MAP2: variants seen among roughly 807,000 people sequenced by gnomAD.
MAP2 encodes microtubule-associated protein 2.
MAP2 carries 14 observed loss-of-function variants against 137.6 expected under a neutral mutation model. The observed-to-expected ratio is 0.10, with a 90% CI of 0.07 to 0.16. The LOEUF is 0.16. Among genes scored for constraint, MAP2 ranks in the 10% least tolerant of loss-of-function variants. The pLI is 1.00. For missense variants in MAP2, 2,088 were observed against 2,191.5 expected (o/e 0.95, Z 0.94); for synonymous variants, 786 against 782.3 (o/e 1.00, Z -0.08).
intron 2 of MAP2, among the ~76,000 whole-genome samples, chr2:209,560,460 T>C (rs962153824): frequency 6.6e-6 from 1 of 151,128 alleles, no homozygotes; most frequent in African/African-American, 2.5e-5. Flanking sequence ...AAGGAACTGG[T>C]GTGGTGACAA....
At chr2:209,653,670 G>A (rs1286754697) in intron 5 of MAP2, among the ~76,000 whole-genome samples, 1 of 152,018 alleles carries the variant, frequency 6.6e-6, no homozygotes, top group Non-Finnish European at 1.5e-5. Flanking sequence ...AATTTTTGCA[G>A]GCTGAGTATA....
intron 3 of MAP2, among the ~76,000 whole-genome samples, chr2:209,624,311 G>A (rs1218359074): frequency 2.6e-5 from 4 of 152,262 alleles, no homozygotes; most frequent in Non-Finnish European, 4.4e-5. Flanking sequence ...GTATAAGAGA[G>A]CTGGACTATA....
chr2:209,578,239 T>C (rs959450687), intron 2 of MAP2, among the ~76,000 whole-genome samples: 3 of 152,142 alleles, frequency 2.0e-5, no homozygotes, highest in African/African-American at 7.2e-5. Flanking sequence ...AGCCAGTATT[T>C]GGATAGAGGC....
chr2:209,581,657 T>C (rs2076443152), intron 3 of MAP2, among the ~76,000 whole-genome samples: 1 of 152,176 alleles, frequency 6.6e-6, no homozygotes, highest in Non-Finnish European at 1.5e-5. Flanking sequence ...CACATGAAGA[T>C]CTATTTCCTA....
At chr2:209,494,165 C>A (rs180727417) in intron 1 of MAP2, among the ~76,000 whole-genome samples, 1 of 152,166 alleles carries the variant, frequency 6.6e-6, no homozygotes, top group Admixed American at 6.5e-5. Context: ...CCATCATTCT[C>A]AGCAAACTAA....
intron 13 of MAP2, among the ~76,000 whole-genome samples, chr2:209,722,599 A>G (rs1036945156): frequency 1.3e-5 from 2 of 152,178 alleles, no homozygotes; most frequent in Non-Finnish European, 2.9e-5. Flanking sequence ...ACAAATAACG[A>G]CAATAACACA....
intron 3 of MAP2, among the ~76,000 whole-genome samples, chr2:209,583,147 G>GTCTATCTATCTA (rs3036663): frequency 0.16 from 22,875 of 147,062 alleles, 1,877 homozygotes; most frequent in Non-Finnish European, 0.16. Flanking sequence ...CTGTCTGTCT[G>GTCTATCTATCTA]TCTATCTATC....
intron 10 of MAP2, among the ~76,000 whole-genome samples, chr2:209,699,168 G>A (rs2153731467): frequency 6.6e-6 from 1 of 152,242 alleles, no homozygotes; most frequent in East Asian, 1.9e-4. Context: ...AGAGATAGTA[G>A]TAAGGCATCG....
Position 209,729,811 on chromosome 2 carries a change from G to A in MAP2, c.5156-39G>A, listed in dbSNP as rs371688882. On this transcript the variant is annotated intron_variant, in intron 14 of 15. Transcript: ENST00000682079. Reference sequence around the variant, plus strand: ...TTTTTGGGAAATAGTTACCACGAATGCAAGATATAGTTAAATCAAGGTATT... The same window carrying A: ...TTTTTGGGAAATAGTTACCACGAATACAAGATATAGTTAAATCAAGGTATT... 24 of 1,372,072 alleles carry A rather than the reference G, an allele frequency of 1.7e-5. No individual in the cohort carries two copies. In the African/African-American group the frequency reaches 3.3e-4, roughly 19 times the overall value. 85.0% of individuals were successfully genotyped at this position (1,372,072 alleles called of 1,614,324 possible).
At chr2:209,664,658 G>C (rs1300856108) in intron 5 of MAP2, among the ~76,000 whole-genome samples, 1 of 151,984 alleles carries the variant, frequency 6.6e-6, no homozygotes, top group Admixed American at 6.6e-5. Flanking sequence ...CAATAAATTT[G>C]CAGGAAAGAC....
intron 1 of MAP2, among the ~76,000 whole-genome samples, chr2:209,439,094 A>T (rs1234983223): frequency 2.0e-5 from 3 of 151,448 alleles, no homozygotes; most frequent in African/African-American, 7.3e-5. Context: ...CTCCTCATTG[A>T]TGGTATATAA....
chr2:209,546,068 G>A (rs1477947555), intron 2 of MAP2, among the ~76,000 whole-genome samples: 5 of 152,128 alleles, frequency 3.3e-5, no homozygotes, highest in Non-Finnish European at 5.9e-5. Context: ...GCGTGAACCC[G>A]GGAGGCAGAG....
intron 1 of MAP2, among the ~76,000 whole-genome samples, chr2:209,462,247 A>G (rs1575409017): frequency 1.3e-5 from 2 of 152,336 alleles, no homozygotes; most frequent in South Asian, 4.1e-4. Flanking sequence ...TAGATGGCAG[A>G]TGGTTGGACT....
intron 3 of MAP2, among the ~76,000 whole-genome samples, chr2:209,592,919 T>C (rs186363829): frequency 6.6e-6 from 1 of 152,142 alleles, no homozygotes; most frequent in East Asian, 1.9e-4. Flanking sequence ...ACCTATAATG[T>C]CTCCTTTTTC....
chr2:209,683,048 G>A (rs554984896), intron 7 of MAP2, among the ~76,000 whole-genome samples: 1 of 152,252 alleles, frequency 6.6e-6, no homozygotes, highest in African/African-American at 2.4e-5. Context: ...CTCTATATGG[G>A]ATTTGGAACA....
intron 1 of MAP2, among the ~76,000 whole-genome samples, chr2:209,466,692 T>C (rs1249225098): frequency 6.6e-6 from 1 of 152,210 alleles, no homozygotes; most frequent in African/African-American, 2.4e-5. Context: ...AAATGCTACA[T>C]ATTTCTTTCT....
intron 7 of MAP2, among the ~76,000 whole-genome samples, chr2:209,690,116 A>G (rs181075210): frequency 5.3e-5 from 8 of 152,304 alleles, no homozygotes; most frequent in Admixed American, 2.6e-4. Flanking sequence ...CACATTTTAA[A>G]TAAAGCAGCC....
chr2:209,578,127 C>T (rs1288098216), intron 2 of MAP2, among the ~76,000 whole-genome samples: 4 of 152,122 alleles, frequency 2.6e-5, no homozygotes, highest in East Asian at 3.9e-4. Context: ...AATCAGGAAA[C>T]GCTGCGGGTG....
intron 5 of MAP2, among the ~76,000 whole-genome samples, chr2:209,670,993 T>A (rs1039857038): frequency 3.9e-5 from 6 of 152,018 alleles, no homozygotes; most frequent in Non-Finnish European, 7.4e-5. Context: ...TAAGTACCCA[T>A]CAGAGCTGAA....
Sources: allele counts gnomAD v4.1 joint callset (sites outside exome capture counted in the v4.1 genomes callset), GRCh38; gene constraint gnomAD v4.1.1; transcripts MANE v1.5; gene names NCBI Gene and HGNC (gene_info 2026-07-23, HGNC 2026-07-21).